Variants in PCDHGA1 observed in about 807,000 individuals in gnomAD.
PCDHGA1 encodes protocadherin gamma-A1.
In PCDHGA1, 32 loss-of-function variants were observed where a neutral mutation model predicts 58.0. That is an observed-to-expected ratio of 0.55 (90% CI 0.42 to 0.74). The LOEUF is 0.74. Among genes scored for constraint, PCDHGA1 ranks in the 30% least tolerant of loss-of-function variants. PCDHGA1 has a pLI of 0.00. For synonymous variants in PCDHGA1, 498 were observed against 501.1 expected (o/e 0.99, Z 0.08); for missense variants, 1,205 against 1,182.3 (o/e 1.02, Z -0.28).
intron 1 of PCDHGA1, chr5:141,428,889 C>G (rs1486441305): frequency 1.3e-5 from 2 of 150,826 alleles, no homozygotes; most frequent in African/African-American, 4.9e-5. Flanking sequence ...GAGTCTCGCT[C>G]TGTGGTCCAG....
intron 1 of PCDHGA1, chr5:141,342,759 T>C (rs540228913): frequency 2.1e-4 from 32 of 152,368 alleles, no homozygotes; most frequent in Admixed American, 1.4e-3. Context: ...TGCATCATGA[T>C]TGAAACGACA....
At chr5:141,360,915 T>C in intron 1 of PCDHGA1, 1 of 1,614,010 alleles carries the variant, frequency 6.2e-7, no homozygotes, top group South Asian at 1.1e-5. Flanking sequence ...CGGGCTTCTT[T>C]GTGCTTCAAG....
chr5:141,433,038 C>A, intron 1 of PCDHGA1: 3 of 1,614,180 alleles, frequency 1.9e-6, no homozygotes, highest in Non-Finnish European at 2.5e-6. Flanking sequence ...GTTTCCCTCA[C>A]CACGGACTCG....
intron 1 of PCDHGA1, chr5:141,345,504 T>C (rs1423461446): frequency 1.9e-6 from 3 of 1,614,130 alleles, no homozygotes; most frequent in East Asian, 2.2e-5. Context: ...CACTTATGCA[T>C]TGACCGAGGA....
intron 1 of PCDHGA1, among the ~76,000 whole-genome samples, chr5:141,460,764 G>A (rs2098996981): frequency 6.6e-6 from 1 of 150,516 alleles, no homozygotes; most frequent in Admixed American, 6.7e-5. Flanking sequence ...TATACATATT[G>A]CATATGTATG....
intron 1 of PCDHGA1, chr5:141,365,281 G>C (rs752099096): frequency 1.2e-6 from 2 of 1,614,000 alleles, no homozygotes; most frequent in East Asian, 2.2e-5. Flanking sequence ...TCTACCTCAT[G>C]GAAGTGGTAG....
intron 1 of PCDHGA1, among the ~76,000 whole-genome samples, chr5:141,444,482 T>G (rs1346576719): frequency 6.6e-6 from 1 of 152,000 alleles, no homozygotes; most frequent in Non-Finnish European, 1.5e-5. Context: ...CGTACTGGAT[T>G]TATATTGTGT....
intron 1 of PCDHGA1, chr5:141,418,283 ATCAG>A: frequency 1.9e-6 from 3 of 1,613,996 alleles, no homozygotes; most frequent in Non-Finnish European, 2.5e-6. Context: ...AAACTTAGAA[ATCAG>A]TGAATCCGTC....
rs374140638 is a variant in PCDHGA1 at position 141,487,759 on chromosome 5, C to T, written c.2422-7048C>T. ...TTGTAAGAGGTAACTATGTGGTAGA[C>T]GCTGTGCTTTGTAACTGTTTCGTGA... On this transcript the variant is annotated intron_variant, in intron 1 of 3. Transcript: ENST00000517417. The surrounding 1 kb of genome is among the most constrained non-coding windows in gnomAD (Gnocchi z 5.0). 45 of 1,546,278 alleles carry T rather than the reference C, an allele frequency of 2.9e-5. No individual in the cohort carries two copies. The highest frequency in any genetic ancestry group is 1.1e-4 in the African/African-American group (8 of 73,160).
chr5:141,488,634 G>A (rs937680420), intron 1 of PCDHGA1, among the ~76,000 whole-genome samples: 4 of 152,150 alleles, frequency 2.6e-5, no homozygotes, highest in Non-Finnish European at 4.4e-5. Context: ...CACCTTAGCA[G>A]CATTCAGCAG....
chr5:141,482,998 T>C (rs1458221945), intron 1 of PCDHGA1, among the ~76,000 whole-genome samples: 1 of 152,008 alleles, frequency 6.6e-6, no homozygotes, highest in Non-Finnish European at 1.5e-5. Flanking sequence ...GGCAGGAGAA[T>C]TGCTTGAACC....
chr5:141,451,216 A>G (rs1561943760), intron 1 of PCDHGA1, among the ~76,000 whole-genome samples: 1 of 152,204 alleles, frequency 6.6e-6, no homozygotes, highest in Non-Finnish European at 1.5e-5. Context: ...TTAGTGGCTT[A>G]AAAGAAGCAT....
At chr5:141,460,985 A>G (rs553462661) in intron 1 of PCDHGA1, among the ~76,000 whole-genome samples, 245 of 91,804 alleles carry the variant, frequency 2.7e-3, no homozygotes, top group Middle Eastern at 5.0e-3. Context: ...GTGTGTGTGT[A>G]TATATATATA....
At chr5:141,403,116 A>G (rs1313523426) in intron 1 of PCDHGA1, 6 of 1,614,042 alleles carry the variant, frequency 3.7e-6, no homozygotes, top group Non-Finnish European at 5.1e-6. Flanking sequence ...CTGGCTCTGG[A>G]GCCCCGGGAG....
Position 141,432,484 on chromosome 5 carries a change from G to A in PCDHGA1, c.2422-62323G>A, listed in dbSNP as rs1164877592. On this transcript the variant is annotated intron_variant, in intron 1 of 3. Transcript: ENST00000517417. The surrounding 1 kb of genome is among the most constrained non-coding windows in gnomAD (Gnocchi z 6.0). ...TCCCCACGGACGGTTCCACTGGCGTGGAGCTGGCTCCCCGCTCCGCAGAGC... is the reference window on the plus strand; with the variant it reads ...TCCCCACGGACGGTTCCACTGGCGTAGAGCTGGCTCCCCGCTCCGCAGAGC... 8.7e-6 allele frequency: 14 copies of A among 1,614,196 alleles called. No individual in the cohort carries two copies. Among genetic ancestry groups the A allele is most frequent in the Non-Finnish European group, 1.2e-5 (14 of 1,180,046 alleles).
At chr5:141,403,390 G>A in intron 1 of PCDHGA1, 1 of 1,614,038 alleles carries the variant, frequency 6.2e-7, no homozygotes, top group Non-Finnish European at 8.5e-7. Context: ...ACGAAATCGC[G>A]GTTCCTGGAG....
rs749645155 is a variant in PCDHGA1 at position 141,414,214 on chromosome 5, A to G, written c.2422-80593A>G. On this transcript the variant is annotated intron_variant, in intron 1 of 3. Transcript: ENST00000517417. ...GATTACAGTAGAAGATGTAAATGAC[A>G]ACAGTCCAGAGCTGACCATCACGTC... 6.2e-6 allele frequency: 10 copies of G among 1,613,126 alleles called. No homozygotes were observed. The South Asian group carries it at 9.9e-5, about 16-fold the overall frequency.
chr5:141,361,410 C>A (rs759239364), intron 1 of PCDHGA1: 2 of 1,614,052 alleles, frequency 1.2e-6, no homozygotes, highest in South Asian at 2.2e-5. Flanking sequence ...TCACAGCCAC[C>A]GACGGGGGCA....
intron 2 of PCDHGA1, among the ~76,000 whole-genome samples, chr5:141,495,662 C>G (rs545912968): frequency 6.6e-6 from 1 of 152,138 alleles, no homozygotes; most frequent in Admixed American, 6.6e-5. Flanking sequence ...TGATCTGTGC[C>G]GCCCACTGTG....
Sources: allele counts gnomAD v4.1 joint callset (sites outside exome capture counted in the v4.1 genomes callset), GRCh38; gene constraint gnomAD v4.1.1; non-coding constraint Gnocchi (gnomAD v3.1); transcripts MANE v1.5; gene names NCBI Gene and HGNC (gene_info 2026-07-23, HGNC 2026-07-21).